Variants in STX3 observed in about 807,000 individuals in gnomAD.
STX3 encodes the protein syntaxin-3.
A neutral mutation model predicts 40.2 loss-of-function variants in STX3; 19 were observed. The ratio of observed to expected loss-of-function variants is 0.47; its 90% CI spans 0.33 to 0.69. STX3 has a LOEUF of 0.69. Among genes scored for constraint, STX3 ranks in the 30% least tolerant of loss-of-function variants. STX3 has a pLI of 0.02. For missense variants in STX3, 364 were observed against 366.7 expected (o/e 0.99, Z 0.06); for synonymous variants, 122 against 132.2 (o/e 0.92, Z 0.53).
At chr11:59,755,714 G>A in intron 1 of STX3, 79 bp downstream of exon 1, 3 of 1,447,392 alleles carry the variant, frequency 2.1e-6, no homozygotes, top group Non-Finnish European at 2.7e-6. Context: ...CCCAAGTCGA[G>A]GCTGGAGGGG....
chr11:59,775,591 G>A (rs1262914002), intron 2 of STX3, among the ~76,000 whole-genome samples: 2 of 152,202 alleles, frequency 1.3e-5, no homozygotes, highest in African/African-American at 4.8e-5. Flanking sequence ...GCATTTCGTA[G>A]CAGTGTAACC....
intron 2 of STX3, among the ~76,000 whole-genome samples, chr11:59,783,258 A>G (rs17154165): frequency 0.1 from 15,815 of 152,142 alleles, 1,155 homozygotes; most frequent in African/African-American, 0.2. Flanking sequence ...ACCTGATGTG[A>G]GCTGAATATG....
intron 5 of STX3, 89 bp from the exon 6 acceptor site, chr11:59,792,018 T>TATTGTA (rs1392889817): frequency 4.8e-6 from 5 of 1,034,090 alleles, no homozygotes; most frequent in Non-Finnish European, 7.4e-6. Context: ...AGTCCAGTGC[T>TATTGTA]ATTGTAGATG....
chr11:59,778,489 C>A (rs754124737), intron 2 of STX3, among the ~76,000 whole-genome samples: 1 of 152,146 alleles, frequency 6.6e-6, no homozygotes, highest in Non-Finnish European at 1.5e-5. Flanking sequence ...ATGATTCATC[C>A]TCTGGGGCTG....
At chr11:59,755,359 G>C, upstream of STX3, 1 of 323,044 alleles carries the variant, frequency 3.1e-6, no homozygotes, top group Non-Finnish European at 5.5e-6. Flanking sequence ...CGCTGCGCCG[G>C]CGCCGGCCCG....
Position 59,804,598 on chromosome 11 carries a change from C to A in STX3, c.*3774C>A, listed in dbSNP as rs1866010091. 2 of 152,184 alleles carry A rather than the reference C, an allele frequency of 1.3e-5. 1 individual carries two copies. Among genetic ancestry groups the A allele is most frequent in the South Asian group, 4.1e-4 (2 of 4,832 alleles). 9.4% of individuals were successfully genotyped at this position (152,184 alleles called of 1,614,324 possible). On this transcript the variant is annotated 3_prime_UTR_variant, in exon 11 of 11. Coordinates refer to ENST00000337979, the MANE Select transcript of STX3 (RefSeq NM_004177.5). ...GCTACCAACCTTTCAAACCCCATTA[C>A]CACAACATGAAAATTTAAAGTGCTT...
At chr11:59,790,843 CG>C (rs2135009906) in intron 5 of STX3, among the ~76,000 whole-genome samples, 1 of 152,218 alleles carries the variant, frequency 6.6e-6, no homozygotes, top group East Asian at 1.9e-4. Context: ...TAGGATTTAG[CG>C]TGCCTTCTTG....
chr11:59,789,054 C>T lies in STX3; in HGVS notation c.289+107C>T, dbSNP rs1342234751. 15 of 952,938 alleles carry T rather than the reference C, an allele frequency of 1.6e-5. No individual in the cohort carries two copies. The East Asian group carries it at 4.1e-4, about 26-fold the overall frequency. 59.0% of individuals were successfully genotyped at this position (952,938 alleles called of 1,614,324 possible). ...ACTCCTCTTGATGGAAGTGACACCA[C>T]TTGGTCCATCTTTGCTTGTGGTTTG... On this transcript the variant is annotated intron_variant, in intron 4 of 10. Coordinates refer to ENST00000337979, the MANE Select transcript of STX3 (RefSeq NM_004177.5).
intron 1 of STX3, among the ~76,000 whole-genome samples, chr11:59,772,326 C>T (rs1339864421): frequency 6.6e-6 from 1 of 152,168 alleles, no homozygotes; most frequent in Non-Finnish European, 1.5e-5. Context: ...AGCTCAGGCC[C>T]TTATGCTGGG....
rs901575380 is a variant in STX3 at position 59,767,627 on chromosome 11, C to T, written c.31-5584C>T. ...GACTCCAGATAACATGCGATGATGGCCTCTTCCTTGAGTTTTCTGATCTGG... is the reference window on the plus strand; with the variant it reads ...GACTCCAGATAACATGCGATGATGGTCTCTTCCTTGAGTTTTCTGATCTGG... On this transcript the variant is annotated intron_variant, in intron 1 of 10. Transcript: ENST00000337979. Among the ~76,000 whole-genome samples the T allele has an allele frequency of 3.3e-5, 5 of 152,282 alleles. No individual in the cohort carries two copies. The East Asian group carries it at 5.8e-4, about 18-fold the overall frequency.
Position 59,802,209 on chromosome 11 carries a change from TTTG to T in STX3, c.*1387_*1389del. ...CTCGGTTAATGAGCTTGGCAGGTTC[TTTG>T]TCTCACTGAATTCTTATCATGGAAA... On this transcript the variant is annotated 3_prime_UTR_variant, in exon 11 of 11. Coordinates refer to ENST00000337979, the MANE Select transcript of STX3 (RefSeq NM_004177.5). The T allele has an allele frequency of 7.1e-6, 7 of 985,498 alleles. No individual in the cohort carries two copies. The highest frequency in any genetic ancestry group is 8.4e-6 in the Non-Finnish European group (7 of 829,982). The allele number at this position is 985,498 out of a possible 1,614,324, so 61.0% of individuals were successfully genotyped here.
intron 1 of STX3, 54 bp from the exon 2 acceptor site, chr11:59,773,156 AT>A (rs1381756693): frequency 1.3e-6 from 2 of 1,547,468 alleles, no homozygotes; most frequent in African/African-American, 1.4e-5. Context: ...GCATTCAATA[AT>A]TTAGCCATTT....
At chr11:59,778,440 C>G (rs1864126948) in intron 2 of STX3, among the ~76,000 whole-genome samples, 2 of 152,100 alleles carry the variant, frequency 1.3e-5, no homozygotes, top group Non-Finnish European at 2.9e-5. Flanking sequence ...GAGTACTCAG[C>G]AAAGGGACAG....
At chr11:59,786,104 A>G (rs2134988723) in intron 2 of STX3, among the ~76,000 whole-genome samples, 1 of 152,290 alleles carries the variant, frequency 6.6e-6, no homozygotes, top group South Asian at 2.1e-4. Flanking sequence ...GGCTCGAGCT[A>G]CTGGGTCCTG....
chr11:59,758,198 A>G (rs1052012682), intron 1 of STX3, among the ~76,000 whole-genome samples: 2 of 152,196 alleles, frequency 1.3e-5, no homozygotes, highest in Non-Finnish European at 2.9e-5. Flanking sequence ...TTTAGTAGAC[A>G]GAGCTGCCCA....
chr11:59,788,796 T>C (rs1864925127), intron 3 of STX3, 77 bp from the exon 4 acceptor site: 1 of 1,290,912 alleles, frequency 7.7e-7, no homozygotes, highest in Non-Finnish European at 1.1e-6. Flanking sequence ...TCCCCTCCTC[T>C]GATGATGATT....
At chr11:59,779,616 A>G (rs1015890309) in intron 2 of STX3, among the ~76,000 whole-genome samples, 1 of 152,188 alleles carries the variant, frequency 6.6e-6, no homozygotes, top group Non-Finnish European at 1.5e-5. Context: ...TTATTCAGCA[A>G]ATGTCTACTG....
intron 1 of STX3, among the ~76,000 whole-genome samples, chr11:59,767,368 T>C (rs1278023503): frequency 6.6e-6 from 1 of 152,226 alleles, no homozygotes; most frequent in Admixed American, 6.5e-5. Context: ...GCTACTGTAA[T>C]GTTCCTATTA....
intron 2 of STX3, chr11:59,781,295 A>G: frequency 6.4e-7 from 1 of 1,560,920 alleles, no homozygotes; most frequent in Non-Finnish European, 8.7e-7. Context: ...ACTCCTGTCC[A>G]AAGTGATGAT....
Sources: allele counts gnomAD v4.1 joint callset (sites outside exome capture counted in the v4.1 genomes callset), GRCh38; gene constraint gnomAD v4.1.1; transcripts MANE v1.5; gene names NCBI Gene and HGNC (gene_info 2026-07-23, HGNC 2026-07-21).